Variants in TRIO observed in about 807,000 individuals in gnomAD.
TRIO encodes the protein trio Rho guanine nucleotide exchange factor.
Under a neutral mutation model 351.9 loss-of-function variants are expected in TRIO, and 58 were observed. That is an observed-to-expected ratio of 0.16 (90% CI 0.13 to 0.21). The LOEUF is 0.21. TRIO is among the 10% of genes least tolerant of loss of function. TRIO has a pLI of 1.00. For synonymous variants in TRIO, 1,758 were observed against 1,595.7 expected (o/e 1.10, Z -2.42); for missense variants, 3,201 against 4,027.8 (o/e 0.79, Z 5.56).
intron 1 of TRIO, among the ~76,000 whole-genome samples, chr5:14,254,121 G>GT (rs370378256): frequency 2.9e-4 from 44 of 152,280 alleles, no homozygotes; most frequent in Middle Eastern, 3.4e-3. Context: ...GGACAGAATA[G>GT]TAAAGTAAGT....
At chr5:14,440,770 G>C (rs930079517) in intron 34 of TRIO, 2 of 152,158 alleles carry the variant, frequency 1.3e-5, no homozygotes, top group African/African-American at 4.8e-5. Flanking sequence ...CCTCCCTCCA[G>C]ATGTACACAA....
rs1181660276 is a variant in TRIO, at chr5:14,143,901, G to GGCCC, written c.157+24_157+27dup. The GGCCC allele has an allele frequency of 1.9e-6, 2 of 1,070,044 alleles. No homozygotes were observed. The highest frequency in any genetic ancestry group is 3.4e-5 in the African/African-American group (2 of 59,104). The allele number at this position is 1,070,044 out of a possible 1,614,324, so 66.3% of individuals were successfully genotyped here. A position where few individuals can be genotyped will look rare whatever the true frequency, so the allele number is the denominator to read the frequency against. ...CGATCCGGTGAGTGCAACTGCGGCC[G>GGCCC]GCCCGCCCAGCGGCGCTGCCCCAAG... On this transcript the variant is annotated intron_variant, in intron 1 of 56. Transcript: ENST00000344204.
intron 9 of TRIO, among the ~76,000 whole-genome samples, chr5:14,328,489 C>G (rs917737469): frequency 6.6e-6 from 1 of 152,242 alleles, no homozygotes; most frequent in African/African-American, 2.4e-5. Flanking sequence ...GCGCTCAATA[C>G]ACGAGTTAAA....
intron 1 of TRIO, among the ~76,000 whole-genome samples, chr5:14,170,317 A>T (rs1297005967): frequency 6.6e-6 from 1 of 152,084 alleles, no homozygotes; most frequent in African/African-American, 2.4e-5. Context: ...GTTTGTATAT[A>T]CTGTAGTTAG....
chr5:14,208,254 T>A (rs368435593), intron 1 of TRIO, among the ~76,000 whole-genome samples: 2 of 152,342 alleles, frequency 1.3e-5, no homozygotes, highest in East Asian at 1.9e-4. Context: ...ATGATCTAAA[T>A]GTCCACCAAC....
intron 8 of TRIO, among the ~76,000 whole-genome samples, chr5:14,311,615 T>G (rs1199467639): frequency 6.6e-6 from 1 of 152,204 alleles, no homozygotes; most frequent in African/African-American, 2.4e-5. Flanking sequence ...TGCTGCAGAA[T>G]AAGCTGGGTG....
At chr5:14,324,069 A>G (rs998133873) in intron 9 of TRIO, among the ~76,000 whole-genome samples, 1 of 152,200 alleles carries the variant, frequency 6.6e-6, no homozygotes, top group Non-Finnish European at 1.5e-5. Context: ...TAATATGTTC[A>G]TTTCTCTATC....
intron 3 of TRIO, among the ~76,000 whole-genome samples, chr5:14,282,576 C>A (rs1187978696): frequency 2.3e-5 from 3 of 132,010 alleles, no homozygotes; most frequent in Admixed American, 6.9e-5. Flanking sequence ...AAAAAAAAAA[C>A]CTTTTTTTTG....
At chr5:14,346,633 A>G (rs1294910010) in intron 11 of TRIO, among the ~76,000 whole-genome samples, 1 of 152,246 alleles carries the variant, frequency 6.6e-6, no homozygotes, top group Non-Finnish European at 1.5e-5. Context: ...AAGTGAATGA[A>G]CAAGTTATAA....
At chr5:14,273,050 C>A (rs1735174822) in intron 2 of TRIO, among the ~76,000 whole-genome samples, 2 of 152,046 alleles carry the variant, frequency 1.3e-5, no homozygotes, top group African/African-American at 2.4e-5. Context: ...CCACTAATTC[C>A]AGAACCTTTT....
intron 45 of TRIO, 127 bp from the exon 46 acceptor site, chr5:14,482,455 C>A: frequency 1.4e-6 from 1 of 720,948 alleles, no homozygotes; most frequent in Non-Finnish European, 2.0e-6. Flanking sequence ...AAAAATTAAA[C>A]TCCATAAATT....
chr5:14,499,200 G>T (rs912990597), intron 53 of TRIO: 1 of 153,452 alleles, frequency 6.5e-6, no homozygotes, highest in African/African-American at 2.4e-5. Flanking sequence ...GGCCCAGGGC[G>T]GCTCAGTAGC....
chr5:14,480,368 T>C (rs1755422368), intron 43 of TRIO, among the ~76,000 whole-genome samples: 1 of 152,246 alleles, frequency 6.6e-6, no homozygotes, highest in African/African-American at 2.4e-5. Context: ...TACATCGAGT[T>C]CAGAATGAAA....
chr5:14,259,941 G>T (rs1795246489), intron 1 of TRIO, among the ~76,000 whole-genome samples: 1 of 152,200 alleles, frequency 6.6e-6, no homozygotes, highest in African/African-American at 2.4e-5. Flanking sequence ...AGCATCAGAT[G>T]TATTGCAAAT....
intron 31 of TRIO, among the ~76,000 whole-genome samples, chr5:14,402,311 G>C (rs1250486598): frequency 2.6e-5 from 4 of 152,160 alleles, no homozygotes; most frequent in Admixed American, 2.6e-4. Flanking sequence ...TTTCATTTAG[G>C]ATGTCGTAAA....
chr5:14,346,296 G>A (rs556322723), intron 11 of TRIO, among the ~76,000 whole-genome samples: 1 of 152,200 alleles, frequency 6.6e-6, no homozygotes, highest in Non-Finnish European at 1.5e-5. Context: ...TTGGTTCTTG[G>A]TCTCCTCGAG....
intron 1 of TRIO, among the ~76,000 whole-genome samples, chr5:14,196,566 G>A (rs967555570): frequency 6.6e-6 from 1 of 152,086 alleles, no homozygotes; most frequent in Non-Finnish European, 1.5e-5. Context: ...ATGGAGCACT[G>A]TCACTAAATA....
chr5:14,491,438 G>A (rs1046756703), intron 48 of TRIO, among the ~76,000 whole-genome samples: 4 of 152,208 alleles, frequency 2.6e-5, no homozygotes, highest in African/African-American at 4.8e-5. Flanking sequence ...ACAAGTTCAC[G>A]GGAACGAGGC....
chr5:14,455,481 G>A (rs1036051913), intron 34 of TRIO, among the ~76,000 whole-genome samples: 7 of 151,904 alleles, frequency 4.6e-5, no homozygotes, highest in Admixed American at 6.5e-5. Context: ...GCTGATTGGT[G>A]CATTTACAAA....
Sources: gnomAD v4.1 joint callset for allele counts (sites outside exome capture counted in the v4.1 genomes callset) on GRCh38, gnomAD v4.1.1 for gene constraint, MANE v1.5 for transcripts, NCBI Gene and HGNC (gene_info 2026-07-23, HGNC 2026-07-21) for gene names.